The following PRAG1 variants were observed in gnomAD, a reference collection of about 807,000 sequenced individuals.
The protein encoded by PRAG1 is PEAK1 related, kinase-activating pseudokinase 1, also known as inactive tyrosine-protein kinase PRAG1.
In PRAG1, 110 loss-of-function variants were observed where a neutral mutation model predicts 95.6. The ratio of observed to expected loss-of-function variants is 1.15; its 90% CI spans 0.99 to 1.35. The LOEUF (loss-of-function observed/expected upper bound fraction) is 1.35. Ranked by LOEUF, PRAG1 falls within the 40% of genes most tolerant of loss-of-function variation. The pLI, the probability that PRAG1 is intolerant of heterozygous loss-of-function variation, is 0.00. For missense variants in PRAG1, 2,554 were observed against 1,864.7 expected (o/e 1.37, Z -6.81); for synonymous variants, 1,052 against 819.4 (o/e 1.28, Z -4.85).
At chr8:8,338,257 C>A (rs1177497350) in intron 4 of PRAG1, among the ~76,000 whole-genome samples, 2 of 152,166 alleles carry the variant, frequency 1.3e-5, no homozygotes, top group Non-Finnish European at 2.9e-5. Flanking sequence ...AGGAACCCTG[C>A]GAGTGGACGT....
At chr8:8,381,906 C>T in intron 1 of PRAG1, 72 bp from the exon 2 acceptor site, 1 of 583,784 alleles carries the variant, frequency 1.7e-6, no homozygotes. Flanking sequence ...CAATTAGAGT[C>T]TCACTATTTG....
chr8:8,327,548 C>T (rs1481104557), intron 5 of PRAG1, among the ~76,000 whole-genome samples, 162 bp downstream of exon 5: 1 of 152,052 alleles, frequency 6.6e-6, no homozygotes, highest in Non-Finnish European at 1.5e-5. Context: ...CCAGCCTGGG[C>T]AACAAAGTGA....
At position 8,376,244 on chromosome 8, in the gene PRAG1, C is replaced by T. The variant is rs1800383402; in HGVS notation, c.2162+3G>A. 2.5e-6 allele frequency: 4 copies of T among 1,610,522 alleles called. No homozygotes were observed. Among genetic ancestry groups the T allele is most frequent in the Admixed American group, 3.3e-5 (2 of 59,892 alleles). ...AGAGTCCCAGGCAGACAATGGTACT[C>T]ACCGCGACTTTGGAGGCGGAGGAGG... On this transcript the variant is annotated splice_donor_region_variant and intron_variant, in intron 3 of 5. Coordinates refer to ENST00000615670, the MANE Select transcript of PRAG1 (RefSeq NM_001080826.3).
At chr8:8,339,957 G>C (rs567453024) in intron 3 of PRAG1, among the ~76,000 whole-genome samples, 1 of 152,214 alleles carries the variant, frequency 6.6e-6, no homozygotes, top group South Asian at 2.1e-4. Context: ...ATTATATCCT[G>C]TGTAAAATCT....
chr8:8,380,741 T>A (rs923505996), intron 2 of PRAG1, among the ~76,000 whole-genome samples: 3 of 149,976 alleles, frequency 2.0e-5, no homozygotes, highest in African/African-American at 7.4e-5. Flanking sequence ...TAATCCCAGC[T>A]ACTCAGGAGG....
chr8:8,332,472 T>G (rs2117127432), intron 4 of PRAG1, among the ~76,000 whole-genome samples: 1 of 152,192 alleles, frequency 6.6e-6, no homozygotes, highest in Admixed American at 6.5e-5. Context: ...TCTATTATGA[T>G]TTTTGTATTC....
chr8:8,384,194 G>A (rs201949387), intron 1 of PRAG1, among the ~76,000 whole-genome samples: 3 of 152,208 alleles, frequency 2.0e-5, no homozygotes, highest in African/African-American at 4.8e-5. Flanking sequence ...TCTGCTTGGC[G>A]ACTTATTGCC....
intron 4 of PRAG1, among the ~76,000 whole-genome samples, chr8:8,337,906 C>T (rs1799041847): frequency 6.6e-6 from 1 of 152,112 alleles, no homozygotes; most frequent in South Asian, 2.1e-4. Context: ...GTCCCATTTC[C>T]CCTTGCCGGT....
Position 8,376,844 on chromosome 8 carries a change from C to G in PRAG1, c.1565G>C (p.Gly522Ala), listed in dbSNP as rs202003474. The change falls in exon 3 of 6, where the codon GGG becomes GCG. Residue 522 changes from glycine to alanine, a missense_variant. By Grantham distance (60) the Gly-to-Ala change is moderately conservative (BLOSUM62 0). Transcript: ENST00000615670. ...AGCATGGCTTTCCCTGGAGCTCAGC[C>G]CCTGCCCAGCCGAAGTCTCCTCTTC... Reference protein sequence around the residue: ...VGEEETSAGQGLSSRESHAHS... With the variant: ...VGEEETSAGQALSSRESHAHS... The G allele has an allele frequency of 1.3e-5, 21 of 1,612,898 alleles. No individual in the cohort carries two copies. Among genetic ancestry groups the G allele is most frequent in the Middle Eastern group, 1.6e-4 (1 of 6,062 alleles).
In PRAG1 at chr8:8,376,901, C is replaced by A. The variant is rs746691267; in HGVS notation, c.1508G>T (p.Arg503Leu). Residue 503 changes from arginine to leucine, a missense_variant, in exon 3 of 6, where the codon CGA (arginine) becomes CTA (leucine). Physicochemically the swap from Arg to Leu is moderately radical, Grantham distance 102. Coordinates refer to ENST00000615670, the MANE Select transcript of PRAG1 (RefSeq NM_001080826.3). The part of the protein sequence containing the change: ...PDSAVGVQWP[R>L]GPVSQNSEVG... ...CTCGGAGTTCTGGCTCACAGGCCCT[C>A]GTGGCCACTGCACCCCCACTGCAGA... 1 of 1,613,326 alleles carries A rather than the reference C, an allele frequency of 6.2e-7. No individual in the cohort carries two copies. Among genetic ancestry groups the A allele is most frequent in the East Asian group, 2.2e-5 (1 of 44,884 alleles).
chr8:8,343,089 A>G (rs1436405252), intron 3 of PRAG1, among the ~76,000 whole-genome samples: 1 of 152,210 alleles, frequency 6.6e-6, no homozygotes, highest in Non-Finnish European at 1.5e-5. Context: ...CATTTTTAAA[A>G]TGGAAATGAA....
intron 3 of PRAG1, among the ~76,000 whole-genome samples, chr8:8,344,352 G>A (rs989902656): frequency 6.6e-6 from 1 of 152,154 alleles, no homozygotes; most frequent in South Asian, 2.1e-4. Flanking sequence ...AAAATGCTGA[G>A]TATTAAAAGT....
intron 3 of PRAG1, among the ~76,000 whole-genome samples, chr8:8,361,284 TC>T: frequency 6.6e-6 from 1 of 152,284 alleles, no homozygotes; most frequent in South Asian, 2.1e-4. Context: ...CCTGCTGAAG[TC>T]CTTTCTTTAA....
chr8:8,343,821 A>G (rs1399855252), intron 3 of PRAG1, among the ~76,000 whole-genome samples: 1 of 152,190 alleles, frequency 6.6e-6, no homozygotes, highest in Non-Finnish European at 1.5e-5. Context: ...CATGTGGGCA[A>G]TCAGTTACTG....
chr8:8,385,925 G>T (rs2945842), intron 1 of PRAG1, among the ~76,000 whole-genome samples: 19,202 of 151,828 alleles, frequency 0.13, 1,467 homozygotes, highest in African/African-American at 0.21. Flanking sequence ...GCGGCCTTCC[G>T]TCTCTCCCCC....
At chr8:8,321,765 A>C (rs79805170) in intron 5 of PRAG1, among the ~76,000 whole-genome samples, 10,610 of 152,204 alleles carry the variant, frequency 0.07, 636 homozygotes, top group African/African-American at 0.16. Context: ...GCCTGGGTTT[A>C]AGTATTAGCT....
At chr8:8,373,286 T>A (rs1203671445) in intron 3 of PRAG1, among the ~76,000 whole-genome samples, 1 of 152,190 alleles carries the variant, frequency 6.6e-6, no homozygotes, top group Non-Finnish European at 1.5e-5. Flanking sequence ...TCAGCATATG[T>A]TCCCAGGCCT....
At position 8,318,007 on chromosome 8, in the gene PRAG1, G is replaced by T; in HGVS notation, c.*147C>A. ...TCTTTCATATTTATATATGGTATAT[G>T]TATTTTCTATATATATATTTATATA... On this transcript the variant is annotated 3_prime_UTR_variant, in exon 6 of 6. Transcript: ENST00000615670. This position sits in a 1 kb window ranked among gnomAD's most constrained non-coding sequence, Gnocchi z 4.2. 1 of 565,642 alleles carries T rather than the reference G, an allele frequency of 1.8e-6. No individual in the cohort carries two copies. Among genetic ancestry groups the T allele is most frequent in the Non-Finnish European group, 2.7e-6 (1 of 369,964 alleles). The allele number at this position is 565,642 out of a possible 1,614,324, so 35.0% of individuals were successfully genotyped here.
At position 8,376,962 on chromosome 8, in the gene PRAG1, C is replaced by G. The variant is rs1800427855; in HGVS notation, c.1447G>C (p.Glu483Gln). 5 of 1,613,530 alleles carry G rather than the reference C, an allele frequency of 3.1e-6. No homozygotes were observed. The highest frequency in any genetic ancestry group is 1.1e-5 in the South Asian group (1 of 91,082). ...CTCAGGTAGATCGTCCGATGGTCCT[C>G]TTCCGGGTGGGCCGCCATGACTGTG... ...TITVMAAHPE[E>Q]DHRTIYLSSP... The change falls in exon 3 of 6, where the codon GAG becomes CAG. Residue 483 changes from glutamate to glutamine, a missense_variant. Transcript: ENST00000615670.
Sources: allele counts gnomAD v4.1 joint callset (sites outside exome capture counted in the v4.1 genomes callset), GRCh38; gene constraint gnomAD v4.1.1; non-coding constraint Gnocchi (gnomAD v3.1); transcripts MANE v1.5; gene names NCBI Gene and HGNC (gene_info 2026-07-23, HGNC 2026-07-21).